Variants in CFAP299 observed in about 807,000 individuals in gnomAD.
CFAP299 encodes the protein cilia and flagella associated protein 299, also known as cilia- and flagella-associated protein 299.
Under a neutral mutation model 27.0 loss-of-function variants are expected in CFAP299, and 21 were observed. The observed-to-expected ratio is 0.78, with a 90% CI of 0.55 to 1.12. The LOEUF (loss-of-function observed/expected upper bound fraction) is 1.12. Ranked by LOEUF, CFAP299 falls within the 50% of genes most tolerant of loss-of-function variation. The pLI is 0.00. For synonymous variants in CFAP299, 104 were observed against 98.1 expected (o/e 1.06, Z -0.36); for missense variants, 310 against 276.6 (o/e 1.12, Z -0.86).
chr4:80,573,322 A>G (rs1735688543), intron 2 of CFAP299, among the ~76,000 whole-genome samples: 1 of 152,138 alleles, frequency 6.6e-6, no homozygotes, highest in East Asian at 1.9e-4. Flanking sequence ...TTGGATTATT[A>G]GATTTCAGCC....
intron 4 of CFAP299, among the ~76,000 whole-genome samples, chr4:80,933,148 TTTTC>T (rs150965934): frequency 0.098 from 14,852 of 151,294 alleles, 1,229 homozygotes; most frequent in African/African-American, 0.2. Flanking sequence ...CTTTCTTTCC[TTTTC>T]TTTCTTTCCT....
chr4:80,543,591 G>A (rs1734101112), intron 2 of CFAP299, among the ~76,000 whole-genome samples: 1 of 152,150 alleles, frequency 6.6e-6, no homozygotes, highest in African/African-American at 2.4e-5. Context: ...AGACCAAACC[G>A]ACGAAAGAAT....
At chr4:80,693,009 A>G (rs1010017020) in intron 3 of CFAP299, among the ~76,000 whole-genome samples, 17 of 152,270 alleles carry the variant, frequency 1.1e-4, no homozygotes, top group African/African-American at 3.6e-4. Context: ...ACCATCTCAC[A>G]CGAGTTAGAA....
intron 2 of CFAP299, among the ~76,000 whole-genome samples, chr4:80,376,890 G>T (rs1045060124): frequency 6.6e-6 from 1 of 152,074 alleles, no homozygotes; most frequent in Non-Finnish European, 1.5e-5. Flanking sequence ...CCTGACCTCA[G>T]GTGATCCACC....
chr4:80,728,935 A>G (rs1227793698), intron 3 of CFAP299, among the ~76,000 whole-genome samples: 1 of 152,300 alleles, frequency 6.6e-6, no homozygotes, highest in East Asian at 1.9e-4. Context: ...CAGTTTTTAA[A>G]AGATGCAATA....
chr4:80,334,713 G>A (rs933068490), upstream of CFAP299, among the ~76,000 whole-genome samples: 17 of 152,084 alleles, frequency 1.1e-4, no homozygotes, highest in Non-Finnish European at 5.9e-5. Flanking sequence ...AAAAAAACAA[G>A]TTAGTAGCAT....
intron 1 of CFAP299, among the ~76,000 whole-genome samples, chr4:80,358,063 G>T (rs968781220): frequency 1.3e-5 from 2 of 152,002 alleles, no homozygotes; most frequent in Non-Finnish European, 2.9e-5. Context: ...GTTTTAAAGA[G>T]CTTCTTGATG....
intron 5 of CFAP299, among the ~76,000 whole-genome samples, chr4:80,946,613 C>A (rs1488420941): frequency 6.6e-6 from 1 of 152,168 alleles, no homozygotes; most frequent in African/African-American, 2.4e-5. Flanking sequence ...AAGTAGACAA[C>A]TGGCAGGTTC....
intron 1 of CFAP299, among the ~76,000 whole-genome samples, chr4:80,347,102 G>C (rs549021406): frequency 4.6e-5 from 7 of 152,276 alleles, no homozygotes; most frequent in South Asian, 2.1e-4. Flanking sequence ...AGGAATGCTT[G>C]TGAATTTTGC....
intron 4 of CFAP299, chr4:80,873,048 G>A (rs1733188199): frequency 1.0e-6 from 1 of 970,694 alleles, no homozygotes; most frequent in Non-Finnish European, 1.2e-6. Context: ...ATCCTTTTTG[G>A]AAGTCATAAA....
At chr4:80,420,801 G>C (rs1449143660) in intron 2 of CFAP299, among the ~76,000 whole-genome samples, 2 of 152,102 alleles carry the variant, frequency 1.3e-5, no homozygotes, top group South Asian at 4.2e-4. Flanking sequence ...CAGAGCTCTG[G>C]TTTCGCTACT....
chr4:80,349,892 GGA>G (rs1722935522), intron 1 of CFAP299, among the ~76,000 whole-genome samples: 1 of 152,132 alleles, frequency 6.6e-6, no homozygotes, highest in Non-Finnish European at 1.5e-5. Flanking sequence ...TGCAATTTAA[GGA>G]AAGTGTCATA....
intron 5 of CFAP299, among the ~76,000 whole-genome samples, chr4:80,961,256 T>A (rs1738331518): frequency 6.6e-6 from 1 of 151,720 alleles, no homozygotes; most frequent in Non-Finnish European, 1.5e-5. Flanking sequence ...CCAAGTAGAA[T>A]AAAATGTTGT....
chr4:80,656,258 G>C (rs978360016), intron 3 of CFAP299, among the ~76,000 whole-genome samples: 1 of 152,044 alleles, frequency 6.6e-6, no homozygotes, highest in Non-Finnish European at 1.5e-5. Flanking sequence ...TAAGTTCTGG[G>C]ATACATGTGC....
chr4:80,963,517 G>A lies in CFAP299; in HGVS notation c.607G>A (p.Ala203Thr), dbSNP rs1260992153. Residue 203 changes from alanine to threonine, a missense_variant and splice_region_variant, in exon 6 of 6, where the codon GCG (alanine) becomes ACG (threonine). Coordinates refer to ENST00000358105, the MANE Select transcript of CFAP299 (RefSeq NM_152770.3). ...TAACAATGTAATTTATGTATTTTAG[G>A]CGCAGCCAGGTGACAACTCTACTAG... Reference protein sequence around the residue: ...DRKILNVDPKAQPGDNSTRIT... With the variant: ...DRKILNVDPKTQPGDNSTRIT... The A allele has an allele frequency of 6.3e-7, 1 of 1,582,580 alleles. No homozygotes were observed. The highest frequency in any genetic ancestry group is 1.2e-5 in the South Asian group (1 of 85,510).
chr4:80,658,107 CTT>C (rs1349565793), intron 3 of CFAP299, among the ~76,000 whole-genome samples: 1 of 152,088 alleles, frequency 6.6e-6, no homozygotes, highest in East Asian at 1.9e-4. Context: ...GCTGAAGTTG[CTT>C]ATCAGCTTAA....
intron 4 of CFAP299, among the ~76,000 whole-genome samples, chr4:80,887,990 A>T (rs12504541): frequency 7.2e-5 from 11 of 152,162 alleles, no homozygotes; most frequent in African/African-American, 2.4e-4. Context: ...ATAAAAAAAT[A>T]AAAAAATAGG....
chr4:80,690,495 C>T (rs1459318291), intron 3 of CFAP299, among the ~76,000 whole-genome samples: 10 of 151,704 alleles, frequency 6.6e-5, no homozygotes, highest in South Asian at 6.3e-4. Context: ...TTGAAACCAA[C>T]GAGAACAAAG....
intron 3 of CFAP299, among the ~76,000 whole-genome samples, chr4:80,638,838 A>G (rs957445336): frequency 8.5e-5 from 13 of 152,178 alleles, no homozygotes; most frequent in African/African-American, 3.1e-4. Context: ...CTGCTATAAC[A>G]AAATACCATG....
Sources: allele counts gnomAD v4.1 joint callset (sites outside exome capture counted in the v4.1 genomes callset), GRCh38; gene constraint gnomAD v4.1.1; transcripts MANE v1.5; gene names NCBI Gene and HGNC (gene_info 2026-07-23, HGNC 2026-07-21).